The following ZRANB3 variants were observed in gnomAD, a reference collection of about 807,000 sequenced individuals.
ZRANB3 encodes DNA annealing helicase and endonuclease ZRANB3.
ZRANB3 carries 125 observed loss-of-function variants against 133.8 expected under a neutral mutation model. The ratio of observed to expected loss-of-function variants is 0.93; its 90% confidence interval spans 0.81 to 1.08. The LOEUF (loss-of-function observed/expected upper bound fraction) is 1.08. Among genes scored for constraint, ZRANB3 ranks in the 50% least tolerant of loss-of-function variants. The pLI is 0.00. For missense variants in ZRANB3, 1,229 were observed against 1,275.5 expected (o/e 0.96, Z 0.56); for synonymous variants, 387 against 432.7 (o/e 0.89, Z 1.31).
intron 12 of ZRANB3, among the ~76,000 whole-genome samples, chr2:135,246,579 T>A (rs1695812494): frequency 6.6e-6 from 1 of 152,092 alleles, no homozygotes; most frequent in African/African-American, 2.4e-5. Context: ...GAAGGAAGAG[T>A]GATCTAAGCC....
chr2:135,227,434 G>C (rs1573709904), intron 14 of ZRANB3, among the ~76,000 whole-genome samples: 1 of 152,168 alleles, frequency 6.6e-6, no homozygotes, highest in East Asian at 1.9e-4. Flanking sequence ...TTTGTGTAAA[G>C]GATTAATGAT....
chr2:135,328,060 G>A (rs1025340216), intron 6 of ZRANB3, among the ~76,000 whole-genome samples: 1 of 151,442 alleles, frequency 6.6e-6, no homozygotes, highest in Non-Finnish European at 1.5e-5. Flanking sequence ...TTTAGTTAAA[G>A]CCAATTTTTA....
rs557903085 is a variant in ZRANB3, at chr2:135,350,070, G to A, written c.505C>T (p.Arg169Cys). ...SHYMKSRNAT[R>C]SRILLPIVQK... is the part of the protein sequence containing the mutation. ...ACTATTGGCAATAAAATCCTGCTGC[G>A]AGTTGCATTTCTGGATTTCATGTAG... The change falls in exon 5 of 21, where the codon CGC (arginine) becomes TGC (cysteine). Residue 169 changes from arginine to cysteine, a missense_variant. Coordinates refer to ENST00000264159, the MANE Select transcript of ZRANB3 (RefSeq NM_032143.4). The A allele has an allele frequency of 2.9e-5, 47 of 1,613,762 alleles. No individual in the cohort carries two copies. The highest frequency in any genetic ancestry group is 4.0e-5 in the African/African-American group (3 of 75,012).
intron 8 of ZRANB3, among the ~76,000 whole-genome samples, chr2:135,304,977 TC>T (rs928728214): frequency 2.0e-5 from 3 of 152,108 alleles, no homozygotes; most frequent in Admixed American, 2.0e-4. Flanking sequence ...GTTTCAAGTT[TC>T]TTTTTTTTTG....
Position 135,394,002 on chromosome 2 carries a change from C to T in ZRANB3, c.162-3182G>A, listed in dbSNP as rs187253360. Among the ~76,000 whole-genome samples the T allele has an allele frequency of 2.7e-3, 403 of 152,022 alleles. 5 individuals are homozygous for T. The South Asian group carries it at 0.029, about 11-fold the overall frequency. Reference sequence around the variant, plus strand: ...CCTCTCGAGTAGCTGGGTAAACAGGCGCCCGCCACCATGCCCAGCTAATTT... The same window carrying T: ...CCTCTCGAGTAGCTGGGTAAACAGGTGCCCGCCACCATGCCCAGCTAATTT... On this transcript the variant is annotated intron_variant, in intron 2 of 20. Coordinates refer to ENST00000264159, the MANE Select transcript of ZRANB3 (RefSeq NM_032143.4).
chr2:135,269,741 A>G (rs1175267316), intron 10 of ZRANB3, among the ~76,000 whole-genome samples: 6 of 152,224 alleles, frequency 3.9e-5, no homozygotes, highest in African/African-American at 1.4e-4. Context: ...TTTATAATCA[A>G]TATATGAAAT....
chr2:135,353,012 AACTT>A (rs1363965249), intron 4 of ZRANB3, among the ~76,000 whole-genome samples: 1 of 152,160 alleles, frequency 6.6e-6, no homozygotes, highest in African/African-American at 2.4e-5. Context: ...AGGAAAATCA[AACTT>A]ACTAATGAGT....
chr2:135,340,790 A>G (rs953394488), intron 6 of ZRANB3, among the ~76,000 whole-genome samples: 1 of 139,592 alleles, frequency 7.2e-6, no homozygotes, highest in Admixed American at 6.7e-5. Flanking sequence ...TAGGAGGTGG[A>G]GGTTGCAATG....
Position 135,341,378 on chromosome 2 carries a change from CTT to C in ZRANB3, c.677+4170_677+4171del, listed in dbSNP as rs59445355. ...ATGTATCACTTCCCCAATCAATACT[CTT>C]ATAATTTCCTATCCTTGTGTTTACT... On this transcript the variant is annotated intron_variant, in intron 6 of 20. Transcript: ENST00000264159. Among the ~76,000 whole-genome samples the C allele has an allele frequency of 1.9e-3, 279 of 150,082 alleles. 8 individuals are homozygous for C. The South Asian group carries it at 0.033, about 18-fold the overall frequency.
At chr2:135,309,583 T>C (rs1682873826) in intron 8 of ZRANB3, among the ~76,000 whole-genome samples, 1 of 152,122 alleles carries the variant, frequency 6.6e-6, no homozygotes, top group Admixed American at 6.6e-5. Flanking sequence ...AATAATTCTA[T>C]ACTTAGCAAG....
At chr2:135,496,384 TAAAAAAAAAAAAA>T (rs56770947) in intron 2 of ZRANB3, among the ~76,000 whole-genome samples, 29 of 33,324 alleles carry the variant, frequency 8.7e-4, no homozygotes, top group African/African-American at 1.9e-3. Context: ...AACTCCATCT[TAAAAAAAAAAAAA>T]AAAAAAAAAA....
chr2:135,254,841 C>T (rs962793656), intron 12 of ZRANB3, among the ~76,000 whole-genome samples: 15 of 151,978 alleles, frequency 9.9e-5, no homozygotes, highest in African/African-American at 3.6e-4. Flanking sequence ...ACCTCCACCT[C>T]CCGGGTTTAC....
intron 3 of ZRANB3, among the ~76,000 whole-genome samples, chr2:135,384,641 C>T (rs1229817710): frequency 6.6e-6 from 1 of 152,160 alleles, no homozygotes; most frequent in East Asian, 1.9e-4. Flanking sequence ...AAAGCTTATC[C>T]ACCATGATCA....
chr2:135,260,573 ATTCAAG>A (rs1447356813), intron 12 of ZRANB3, among the ~76,000 whole-genome samples: 1 of 149,038 alleles, frequency 6.7e-6, no homozygotes, highest in Non-Finnish European at 1.5e-5. Flanking sequence ...AATAATATAT[ATTCAAG>A]TATATATATA....
chr2:135,207,482 C>T lies in ZRANB3; in HGVS notation c.2961G>A (p.Arg987=). The T allele has an allele frequency of 6.2e-7, 1 of 1,613,834 alleles. No homozygotes were observed. Among genetic ancestry groups the T allele is most frequent in the Admixed American group, 1.7e-5 (1 of 60,002 alleles). The change falls in exon 19 of 21, where the codon AGG becomes AGA. Residue 987 remains arginine (R), a synonymous_variant. Coordinates refer to ENST00000264159, the MANE Select transcript of ZRANB3 (RefSeq NM_032143.4). ...LRLRDAPKSQ[R]KNLLYATWTS... Reference sequence around the variant, plus strand: ...TCCAGGTAGCATACAGAAGATTCTTCCTCTGACTTTTAGGGGCATCTCTCA... The same window carrying T: ...TCCAGGTAGCATACAGAAGATTCTTTCTCTGACTTTTAGGGGCATCTCTCA...
At chr2:135,501,813 A>C (rs532652590) in intron 2 of ZRANB3, among the ~76,000 whole-genome samples, 1 of 152,264 alleles carries the variant, frequency 6.6e-6, no homozygotes, top group Admixed American at 6.5e-5. Flanking sequence ...TAAGAACACC[A>C]CATAAGGTAA....
intron 17 of ZRANB3, among the ~76,000 whole-genome samples, chr2:135,212,484 T>A (rs1175654683): frequency 6.6e-6 from 1 of 152,184 alleles, no homozygotes; most frequent in Admixed American, 6.5e-5. Flanking sequence ...TAGTCAGAGA[T>A]TTAGAAACTA....
intron 2 of ZRANB3, among the ~76,000 whole-genome samples, chr2:135,431,118 A>AC (rs1428796104): frequency 6.6e-6 from 1 of 151,030 alleles, no homozygotes; most frequent in Non-Finnish European, 1.5e-5. Flanking sequence ...CTAAAAAAAA[A>AC]AAAAATAAAT....
At chr2:135,428,301 G>T (rs1226583733) in intron 2 of ZRANB3, among the ~76,000 whole-genome samples, 2 of 151,732 alleles carry the variant, frequency 1.3e-5, no homozygotes, top group African/African-American at 2.4e-5. Context: ...AAAATTAGCC[G>T]GGCTTGGTAG....
Sources: gnomAD v4.1 joint callset for allele counts (sites outside exome capture counted in the v4.1 genomes callset) on GRCh38, gnomAD v4.1.1 for gene constraint, MANE v1.5 for transcripts, NCBI Gene and HGNC (gene_info 2026-07-23, HGNC 2026-07-21) for gene names.